The following SMIM41 variants were observed in gnomAD, a reference collection of about 807,000 sequenced individuals.
The protein encoded by SMIM41 is small integral membrane protein 41.
chr12:52,096,110 C>G (rs191330814), intron 2 of SMIM41, among the ~76,000 whole-genome samples: 206 of 151,930 alleles, frequency 1.4e-3, no homozygotes, highest in African/African-American at 4.5e-3. Context: ...CTCTCCCTTC[C>G]TGGCTATTAG....
At chr12:52,090,614 T>C (rs1939983895) in intron 2 of SMIM41, among the ~76,000 whole-genome samples, 1 of 152,162 alleles carries the variant, frequency 6.6e-6, no homozygotes, top group Non-Finnish European at 1.5e-5. Context: ...GGGTCTTCTA[T>C]GGAGAGCCAG....
chr12:52,083,254 G>C (rs187433210), intron 1 of SMIM41, among the ~76,000 whole-genome samples: 2,061 of 152,030 alleles, frequency 0.014, 17 homozygotes, highest in Non-Finnish European at 0.022. Context: ...GACAGTGACC[G>C]GCCCCTGCTG....
chr12:52,087,856 G>A (rs115870205), intron 2 of SMIM41, among the ~76,000 whole-genome samples: 4,749 of 152,204 alleles, frequency 0.031, 241 homozygotes, highest in African/African-American at 0.11. Context: ...GGCATCTCCA[G>A]TCTCTCCTTG....
chr12:52,106,272 T>A (rs1212585004), intron 2 of SMIM41, among the ~76,000 whole-genome samples: 1 of 152,228 alleles, frequency 6.6e-6, no homozygotes, highest in Non-Finnish European at 1.5e-5. Flanking sequence ...CTATGTGAAT[T>A]ATTGAATTGA....
chr12:52,095,063 A>G (rs1750447977), intron 2 of SMIM41, among the ~76,000 whole-genome samples: 1 of 150,784 alleles, frequency 6.6e-6, no homozygotes, highest in African/African-American at 2.5e-5. Flanking sequence ...CTCCTGCCTC[A>G]GCCTCTGGAG....
chr12:52,103,781 C>T (rs993585493), intron 2 of SMIM41, among the ~76,000 whole-genome samples: 31 of 149,338 alleles, frequency 2.1e-4, no homozygotes, highest in African/African-American at 7.2e-4. Context: ...TAAATAAACA[C>T]GGTATGATTC....
chr12:52,086,210 A>C (rs539784245), intron 2 of SMIM41, among the ~76,000 whole-genome samples: 1 of 152,216 alleles, frequency 6.6e-6, no homozygotes, highest in East Asian at 1.9e-4. Context: ...AGGGGCCTCC[A>C]TACCCTGAGC....
At chr12:52,094,021 C>T (rs537069387) in intron 2 of SMIM41, among the ~76,000 whole-genome samples, 2 of 151,280 alleles carry the variant, frequency 1.3e-5, no homozygotes, top group South Asian at 2.1e-4. Context: ...ATCCCAGCTA[C>T]TCGGGAGGCT....
chr12:52,107,184 C>T, intron 2 of SMIM41, 195 bp from the exon 3 acceptor site: 1 of 357,398 alleles, frequency 2.8e-6, no homozygotes. Context: ...GTCAGAACTG[C>T]AAAATATTCC....
At chr12:52,101,188 C>T (rs766706361) in intron 2 of SMIM41, among the ~76,000 whole-genome samples, 37 of 146,796 alleles carry the variant, frequency 2.5e-4, no homozygotes, top group South Asian at 2.1e-4. Flanking sequence ...TTTGGGAGGC[C>T]GAGTCACACG....
intron 2 of SMIM41, among the ~76,000 whole-genome samples, chr12:52,098,980 AC>A (rs1940161208): frequency 2.0e-5 from 3 of 150,708 alleles, no homozygotes; most frequent in Non-Finnish European, 4.4e-5. Context: ...GGTTGTGTAC[AC>A]CCCCTGCGAT....
At chr12:52,094,916 T>C (rs7978671) in intron 2 of SMIM41, 19,113 of 151,044 alleles carry the variant, frequency 0.13, 2,821 homozygotes, top group African/African-American at 0.37. Flanking sequence ...AGAGGGAACA[T>C]AGACTGCCCA....
chr12:52,086,058 G>A (rs1465699098), intron 2 of SMIM41, among the ~76,000 whole-genome samples: 1 of 152,218 alleles, frequency 6.6e-6, no homozygotes, highest in Non-Finnish European at 1.5e-5. Context: ...GAGAAGGCAG[G>A]GGATGCAGGA....
chr12:52,105,298 A>G (rs1940312898), intron 2 of SMIM41, among the ~76,000 whole-genome samples: 1 of 152,228 alleles, frequency 6.6e-6, no homozygotes. Flanking sequence ...TTCGGGATGC[A>G]TCTCTCCCTT....
chr12:52,103,642 C>T (rs1940267548), intron 2 of SMIM41, among the ~76,000 whole-genome samples: 1 of 152,036 alleles, frequency 6.6e-6, no homozygotes. Flanking sequence ...GCCTGTAATC[C>T]CAGCTACTCG....
At chr12:52,083,756 A>G (rs1384433631) in intron 1 of SMIM41, 138 bp from the exon 2 acceptor site, 1 of 152,218 alleles carries the variant, frequency 6.6e-6, no homozygotes, top group Non-Finnish European at 1.5e-5. Context: ...TCAGTCTCTT[A>G]GTTTATAAAA....
chr12:52,100,021 G>A (rs1205412570), intron 2 of SMIM41, among the ~76,000 whole-genome samples: 1 of 151,944 alleles, frequency 6.6e-6, no homozygotes, highest in Non-Finnish European at 1.5e-5. Context: ...AAACCTGGAT[G>A]TTAGCAACAA....
intron 2 of SMIM41, among the ~76,000 whole-genome samples, chr12:52,100,898 C>T (rs1170783427): frequency 3.3e-5 from 5 of 151,964 alleles, no homozygotes; most frequent in Admixed American, 6.6e-5. Flanking sequence ...GCACAGTATC[C>T]CTAAAGTTTC....
At chr12:52,088,816 C>T (rs1162332456) in intron 2 of SMIM41, among the ~76,000 whole-genome samples, 1 of 152,134 alleles carries the variant, frequency 6.6e-6, no homozygotes, top group Admixed American at 6.5e-5. Context: ...AGGATGGCAT[C>T]TTCCTGTGGC....
Sources: allele counts gnomAD v4.1 joint callset (sites outside exome capture counted in the v4.1 genomes callset), GRCh38; gene constraint gnomAD v4.1.1; transcripts MANE v1.5; gene names NCBI Gene and HGNC (gene_info 2026-07-23, HGNC 2026-07-21).